The following MYO10 variants were observed in gnomAD, a reference collection of about 807,000 sequenced individuals.
MYO10 encodes the protein myosin X, also known as unconventional myosin-X.
A neutral mutation model predicts 257.3 loss-of-function variants in MYO10; 133 were observed. The ratio of observed to expected loss-of-function variants is 0.52; its 90% CI spans 0.45 to 0.60. The LOEUF (loss-of-function observed/expected upper bound fraction) is 0.60. MYO10 is among the 20% of genes least tolerant of loss of function. The pLI is 0.00. For synonymous variants in MYO10, 1,104 were observed against 1,028.6 expected, an observed-to-expected ratio of 1.07 and a Z score of -1.40; for missense variants, 2,399 against 2,635.7, an observed-to-expected ratio of 0.91 and a Z score of 1.97.
At position 16,719,989 on chromosome 5, in the gene MYO10, CGTGT is replaced by C. The variant is rs10526050; in HGVS notation, c.1930-8748_1930-8745del. Among the ~76,000 whole-genome samples the C allele has an allele frequency of 5.6e-3, 802 of 143,548 alleles. 6 individuals are homozygous for C. The highest frequency in any genetic ancestry group is 9.6e-3 in the South Asian group (42 of 4,380). The allele number at this position is 143,548 out of a possible 152,430, so 94.2% of individuals were successfully genotyped here. On this transcript the variant is annotated intron_variant, in intron 19 of 40. Coordinates refer to ENST00000513610, the MANE Select transcript of MYO10 (RefSeq NM_012334.3). ...CTAAAGAAATAAATGTGTGTGCGTG[CGTGT>C]GTGTGTGTGTGTGTGTGTGTGTGTG...
chr5:16,839,915 T>G (rs1157427865), intron 2 of MYO10, among the ~76,000 whole-genome samples: 2 of 152,138 alleles, frequency 1.3e-5, no homozygotes, highest in African/African-American at 4.8e-5. Context: ...AGACTTATAA[T>G]GGGTTTGTCA....
At chr5:16,885,419 C>G (rs1048692479) in intron 1 of MYO10, among the ~76,000 whole-genome samples, 6 of 152,122 alleles carry the variant, frequency 3.9e-5, no homozygotes, top group Non-Finnish European at 8.8e-5. Context: ...TGCCTGTAAT[C>G]CCTGCACTTT....
At chr5:16,785,017 G>A (rs893394470) in intron 4 of MYO10, among the ~76,000 whole-genome samples, 1 of 151,992 alleles carries the variant, frequency 6.6e-6, no homozygotes, top group Non-Finnish European at 1.5e-5. Context: ...GCACACACAC[G>A]ACACTGGGCG....
Position 16,666,451 on chromosome 5 carries a change from G to T in MYO10, c.*241C>A, listed in dbSNP as rs1239751094. 75 of 425,890 alleles carry T rather than the reference G, an allele frequency of 1.8e-4. No homozygotes were observed. Among genetic ancestry groups the T allele is most frequent in the Non-Finnish European group, 4.1e-6 (1 of 241,600 alleles). 26.4% of individuals were successfully genotyped at this position (425,890 alleles called of 1,614,324 possible). ...TTCCTCCCCTCCTTTTTTAAGGCATGTGTCCTCTAAGAGTAGTAAAGCTTT... is the reference window on the plus strand; with the variant it reads ...TTCCTCCCCTCCTTTTTTAAGGCATTTGTCCTCTAAGAGTAGTAAAGCTTT... On this transcript the variant is annotated 3_prime_UTR_variant, in exon 41 of 41. Transcript: ENST00000513610.
chr5:16,932,366 G>A (rs909295897), intron 1 of MYO10, among the ~76,000 whole-genome samples: 1 of 152,126 alleles, frequency 6.6e-6, no homozygotes, highest in African/African-American at 2.4e-5. Context: ...TCCAGGCACT[G>A]TACTTGGCCC....
At chr5:16,802,656 A>T (rs111662722) in intron 3 of MYO10, among the ~76,000 whole-genome samples, 1,564 of 52,810 alleles carry the variant, frequency 0.03, 11 homozygotes, top group Middle Eastern at 0.12. Flanking sequence ...GACTGTCTCT[A>T]AAAAAAAAAA....
At chr5:16,678,442 T>C (rs940841284) in intron 33 of MYO10, among the ~76,000 whole-genome samples, 4 of 152,086 alleles carry the variant, frequency 2.6e-5, no homozygotes, top group African/African-American at 9.7e-5. Context: ...TAGCTGGGCG[T>C]GGTGGTGGGT....
intron 4 of MYO10, among the ~76,000 whole-genome samples, chr5:16,786,563 C>T (rs1056312149): frequency 6.6e-6 from 1 of 151,844 alleles, no homozygotes; most frequent in Non-Finnish European, 1.5e-5. Context: ...TTTTTAGTGC[C>T]AACATGACAT....
At chr5:16,806,487 A>T (rs1580010744) in intron 3 of MYO10, among the ~76,000 whole-genome samples, 1 of 151,748 alleles carries the variant, frequency 6.6e-6, no homozygotes, top group African/African-American at 2.4e-5. Flanking sequence ...CTAAAAATAT[A>T]AAAAAATTAG....
In MYO10 at chr5:16,701,030, C is replaced by T. The variant is rs370221557; in HGVS notation, c.3365G>A (p.Arg1122His). ...SYGSQWSPDY[R>H]CSVGTYNSSG... The stretch of plus-strand genomic sequence containing the variant: ...GCTGTTGTAGGTCCCCACAGAGCAG[C>T]GGTAGTCGGGGGACCACTGGCTGCC... The change falls in exon 25 of 41, where the codon CGC (arginine) becomes CAC (histidine). Residue 1122 changes from arginine to histidine, a missense_variant. Coordinates refer to ENST00000513610, the MANE Select transcript of MYO10 (RefSeq NM_012334.3). This position sits in a 1 kb window ranked among gnomAD's most constrained non-coding sequence, Gnocchi z 8.1. 3.6e-5 allele frequency: 56 copies of T among 1,563,220 alleles called. No homozygotes were observed. Among genetic ancestry groups the T allele is most frequent in the Admixed American group, 1.5e-4 (8 of 52,182 alleles).
At chr5:16,724,938 G>A (rs184314366) in intron 19 of MYO10, among the ~76,000 whole-genome samples, 188 of 152,172 alleles carry the variant, frequency 1.2e-3, no homozygotes, top group Admixed American at 3.1e-3. Context: ...GTATATGCAC[G>A]CTCACGTGTG....
chr5:16,709,337 C>G (rs1390568204), intron 21 of MYO10, among the ~76,000 whole-genome samples: 1 of 152,148 alleles, frequency 6.6e-6, no homozygotes, highest in Non-Finnish European at 1.5e-5. Context: ...GGGTTACAAC[C>G]CTCTTTAATC....
intron 3 of MYO10, among the ~76,000 whole-genome samples, chr5:16,812,954 C>G (rs1176154673): frequency 6.6e-6 from 1 of 150,528 alleles, no homozygotes; most frequent in South Asian, 2.1e-4. Flanking sequence ...TCACTTTCTA[C>G]CCCATTTCAA....
chr5:16,688,566 C>A (rs1321406291), intron 28 of MYO10, among the ~76,000 whole-genome samples: 3 of 151,888 alleles, frequency 2.0e-5, no homozygotes, highest in Non-Finnish European at 4.4e-5. Flanking sequence ...CATGGAGAAA[C>A]CCCATCTCTA....
At chr5:16,740,386 G>A (rs561597798) in intron 19 of MYO10, among the ~76,000 whole-genome samples, 4 of 152,140 alleles carry the variant, frequency 2.6e-5, no homozygotes, top group South Asian at 4.1e-4. Context: ...TGAGCTAGAC[G>A]GACAGGGGTG....
At chr5:16,887,345 C>T (rs1744924092) in intron 1 of MYO10, among the ~76,000 whole-genome samples, 1 of 152,166 alleles carries the variant, frequency 6.6e-6, no homozygotes, top group South Asian at 2.1e-4. Flanking sequence ...AAAGATTCAC[C>T]GCCATCCCAC....
At chr5:16,867,531 A>G (rs1222778661) in intron 2 of MYO10, among the ~76,000 whole-genome samples, 3 of 152,142 alleles carry the variant, frequency 2.0e-5, no homozygotes, top group African/African-American at 7.2e-5. Context: ...AGTGTGTGAA[A>G]ACAACCAAAA....
intron 1 of MYO10, among the ~76,000 whole-genome samples, chr5:16,899,302 G>C (rs929325489): frequency 6.6e-6 from 1 of 151,962 alleles, no homozygotes; most frequent in Admixed American, 6.6e-5. Flanking sequence ...TTCACCTGAG[G>C]AGACAAGCAG....
rs1580127466 is a variant in MYO10, at chr5:16,897,655, A to T, written c.22-19948T>A. ...ATGCCACAGAGGTTTGTCAACAGAC[A>T]ATGAAAATCTAGTGCAACATCCACT... On this transcript the variant is annotated intron_variant, in intron 1 of 40. Transcript: ENST00000513610. Among the ~76,000 whole-genome samples, 4 of 152,312 alleles carry T rather than the reference A, an allele frequency of 2.6e-5. No individual in the cohort carries two copies. The East Asian group carries it at 7.7e-4, about 29-fold the overall frequency.
Sources: allele counts gnomAD v4.1 joint callset (sites outside exome capture counted in the v4.1 genomes callset), GRCh38; gene constraint gnomAD v4.1.1; non-coding constraint Gnocchi (gnomAD v3.1); transcripts MANE v1.5; gene names NCBI Gene and HGNC (gene_info 2026-07-23, HGNC 2026-07-21).